The following MYH15 variants were observed in gnomAD, a reference collection of about 807,000 sequenced individuals.
MYH15 encodes myosin heavy chain 15.
MYH15 carries 227 observed loss-of-function variants against 240.5 expected under a neutral mutation model. That is an observed-to-expected ratio of 0.94 (90% CI 0.85 to 1.05). MYH15 has a LOEUF of 1.05. Ranked by LOEUF, MYH15 falls within the 50% of genes least tolerant of loss-of-function variation. The pLI, the probability that MYH15 is intolerant of heterozygous loss-of-function variation, is 0.00. For missense variants in MYH15, 2,217 were observed against 2,247.5 expected, an observed-to-expected ratio of 0.99 and a Z score of 0.27; for synonymous variants, 785 against 796.7, an observed-to-expected ratio of 0.99 and a Z score of 0.25.
At chr3:108,466,686 C>A (rs904096368) in intron 14 of MYH15, among the ~76,000 whole-genome samples, 9 of 152,150 alleles carry the variant, frequency 5.9e-5, no homozygotes, top group African/African-American at 2.2e-4. Flanking sequence ...CTGTAGGATT[C>A]TATTGTCACG....
At chr3:108,525,948 GCAAA>G in intron 1 of MYH15, among the ~76,000 whole-genome samples, 1 of 151,998 alleles carries the variant, frequency 6.6e-6, no homozygotes, top group Middle Eastern at 3.2e-3. Context: ...CATATAGTAG[GCAAA>G]CAAACATCTT....
intron 1 of MYH15, chr3:108,529,237 A>G (rs1285194959): frequency 6.3e-7 from 1 of 1,596,506 alleles, no homozygotes; most frequent in Non-Finnish European, 8.6e-7. Context: ...TAGACAAATT[A>G]AAACATATGT....
chr3:108,457,592 C>T (rs2083033665), intron 18 of MYH15, among the ~76,000 whole-genome samples: 1 of 151,794 alleles, frequency 6.6e-6, no homozygotes, highest in African/African-American at 2.4e-5. Context: ...AGGACCACAT[C>T]TCCTAACACA....
intron 7 of MYH15, among the ~76,000 whole-genome samples, 168 bp downstream of exon 7, chr3:108,495,612 C>A (rs993495416): frequency 2.6e-5 from 4 of 152,016 alleles, no homozygotes; most frequent in African/African-American, 9.7e-5. Flanking sequence ...ATTTAATTGT[C>A]TTAATGATAT....
intron 27 of MYH15, among the ~76,000 whole-genome samples, chr3:108,427,520 A>C (rs1302052132): frequency 6.6e-6 from 1 of 152,062 alleles, no homozygotes; most frequent in Non-Finnish European, 1.5e-5. Context: ...CAGCCTCCAG[A>C]ACTGTGAAAA....
intron 35 of MYH15, among the ~76,000 whole-genome samples, chr3:108,394,440 T>G (rs2082444184): frequency 6.6e-6 from 1 of 152,192 alleles, no homozygotes; most frequent in Non-Finnish European, 1.5e-5. Flanking sequence ...CGTGTTTGGT[T>G]TTCAATGGGT....
At chr3:108,500,372 T>C (rs1408126094) in intron 3 of MYH15, 98 bp from the exon 4 acceptor site, 3 of 1,311,554 alleles carry the variant, frequency 2.3e-6, no homozygotes, top group Admixed American at 2.3e-5. Context: ...CAAATATTAC[T>C]TATAAAGGAA....
At chr3:108,444,565 G>C in intron 22 of MYH15, 75 bp downstream of exon 22, 2 of 1,510,724 alleles carry the variant, frequency 1.3e-6, no homozygotes, top group East Asian at 2.3e-5. Flanking sequence ...TTTTGTTTCC[G>C]TGTCAACACT....
intron 18 of MYH15, among the ~76,000 whole-genome samples, chr3:108,458,132 T>TAC (rs1269685573): frequency 2.0e-5 from 3 of 152,180 alleles, no homozygotes; most frequent in African/African-American, 7.2e-5. Context: ...TCTCTTTAAG[T>TAC]ACATATGAAT....
At chr3:108,539,429 T>C in the MYH15 span, among the ~76,000 whole-genome samples, 2 of 152,200 alleles carry the variant, frequency 1.3e-5, no homozygotes, top group African/African-American at 4.8e-5. Flanking sequence ...TGTGCACTTT[T>C]CTACATGTGT....
At chr3:108,423,958 A>G (rs2082706483) in intron 27 of MYH15, among the ~76,000 whole-genome samples, 2 of 152,166 alleles carry the variant, frequency 1.3e-5, no homozygotes, top group African/African-American at 4.8e-5. Flanking sequence ...GATTATGAAA[A>G]CCATTTTTAT....
chr3:108,421,222 T>A lies in MYH15; in HGVS notation c.3703-8A>T. 6.2e-7 allele frequency: 1 copy of A among 1,610,282 alleles called. No homozygotes were observed. The highest frequency in any genetic ancestry group is 8.5e-7 in the Non-Finnish European group (1 of 1,179,450). On this transcript the variant is annotated splice_polypyrimidine_tract_variant and splice_region_variant and intron_variant, in intron 27 of 40. Coordinates refer to ENST00000693548, the MANE Select transcript of MYH15 (RefSeq NM_014981.3). ...GAGTTTCTCAGCATTTGCCTATAAG[T>A]TGAGAAAGAAGGGCTGGTCAGGGCT...
At chr3:108,506,462 A>G (rs2083476392) in intron 1 of MYH15, among the ~76,000 whole-genome samples, 2 of 152,176 alleles carry the variant, frequency 1.3e-5, no homozygotes, top group Non-Finnish European at 2.9e-5. Context: ...TAAGCAAAGT[A>G]GCCCTCCATA....
At chr3:108,549,993 T>C in the MYH15 span, 3 of 152,020 alleles carry the variant, frequency 2.0e-5, no homozygotes, top group Non-Finnish European at 2.9e-5. Flanking sequence ...AATAGTAATT[T>C]AAAATGTTTT....
chr3:108,435,279 G>C (rs1317194060), intron 25 of MYH15, among the ~76,000 whole-genome samples: 1 of 152,072 alleles, frequency 6.6e-6, no homozygotes, highest in Non-Finnish European at 1.5e-5. Flanking sequence ...AAGAATTATT[G>C]ACTGTATTTT....
chr3:108,495,129 G>A (rs2107601210), intron 7 of MYH15, among the ~76,000 whole-genome samples: 1 of 152,320 alleles, frequency 6.6e-6, no homozygotes, highest in African/African-American at 2.4e-5. Flanking sequence ...TATGCCCGGA[G>A]ACTCAAATAG....
intron 33 of MYH15, among the ~76,000 whole-genome samples, chr3:108,403,434 A>G (rs538937753): frequency 7.3e-5 from 11 of 151,228 alleles, no homozygotes; most frequent in Middle Eastern, 7.1e-3. Flanking sequence ...CCCTCAGGCA[A>G]TATTTTCCTT....
chr3:108,506,040 C>T (rs995948781), intron 1 of MYH15, among the ~76,000 whole-genome samples: 1 of 152,064 alleles, frequency 6.6e-6, no homozygotes, highest in Non-Finnish European at 1.5e-5. Context: ...AACATCTCAG[C>T]AAGCAGCAGC....
Position 108,459,462 on chromosome 3 carries a change from C to A in MYH15, c.1933-13G>T. The stretch of plus-strand genomic sequence containing the variant: ...TATTCAGGTTTTCCTAAAATGGAGA[C>A]CATAATAAACACAAAATCACTTTGC... On this transcript the variant is annotated splice_polypyrimidine_tract_variant and intron_variant, in intron 17 of 40. Coordinates refer to ENST00000693548, the MANE Select transcript of MYH15 (RefSeq NM_014981.3). 1.3e-6 allele frequency: 2 copies of A among 1,531,484 alleles called. No homozygotes were observed. The highest frequency in any genetic ancestry group is 1.8e-6 in the Non-Finnish European group (2 of 1,120,894). 94.9% of individuals were successfully genotyped at this position (1,531,484 alleles called of 1,614,324 possible).
Sources: allele counts gnomAD v4.1 joint callset (sites outside exome capture counted in the v4.1 genomes callset), GRCh38; gene constraint gnomAD v4.1.1; transcripts MANE v1.5; gene names NCBI Gene and HGNC (gene_info 2026-07-23, HGNC 2026-07-21).